XYLB: variants seen among roughly 807,000 people sequenced by gnomAD.
XYLB encodes xylulokinase, also known as xylulose kinase.
In XYLB, 62 loss-of-function variants were observed where a neutral mutation model predicts 78.7. The observed-to-expected ratio is 0.79, with a 90% CI of 0.64 to 0.97. XYLB has a LOEUF of 0.97. Among genes scored for constraint, XYLB ranks in the 50% least tolerant of loss-of-function variants. The pLI is 0.00. For missense variants in XYLB, 687 were observed against 676.8 expected, an observed-to-expected ratio of 1.02 and a Z score of -0.17; for synonymous variants, 245 against 247.4, an observed-to-expected ratio of 0.99 and a Z score of 0.09.
At chr3:38,385,835 A>G (rs1359895653) in intron 15 of XYLB, among the ~76,000 whole-genome samples, 2 of 152,136 alleles carry the variant, frequency 1.3e-5, no homozygotes, top group Non-Finnish European at 2.9e-5. Flanking sequence ...CTGGATGCTC[A>G]TTGCTACTGG....
chr3:38,369,730 G>A (rs1706446434), intron 8 of XYLB, among the ~76,000 whole-genome samples: 1 of 152,186 alleles, frequency 6.6e-6, no homozygotes, highest in Non-Finnish European at 1.5e-5. Flanking sequence ...GAAACCTAAG[G>A]GACATGGAGA....
downstream of XYLB, among the ~76,000 whole-genome samples, chr3:38,425,261 C>T (rs1709077878): frequency 6.6e-6 from 1 of 152,204 alleles, no homozygotes; most frequent in African/African-American, 2.4e-5. Flanking sequence ...CAGTCATGGG[C>T]ATTCCAGCTT....
the XYLB span, among the ~76,000 whole-genome samples, chr3:38,433,333 C>T: frequency 1.3e-5 from 2 of 152,208 alleles, no homozygotes; most frequent in Admixed American, 6.5e-5. Context: ...GGGAGGGCTG[C>T]CCTGAAGTTC....
At position 38,379,430 on chromosome 3, in the gene XYLB, A is replaced by C. The variant is rs1707037657; in HGVS notation, c.1291+88A>C. 4 of 1,331,066 alleles carry C rather than the reference A, an allele frequency of 3.0e-6. No homozygotes were observed. In the South Asian group the frequency reaches 3.6e-5, roughly 12 times the overall value. The allele number at this position is 1,331,066 out of a possible 1,614,324, so 82.5% of individuals were successfully genotyped here. ...GGCCAGGGCTAGTGGGGCAATATCT[A>C]CTAAAGTTTTCTTACAGGGGGACTT... On this transcript the variant is annotated intron_variant, in intron 15 of 18. Coordinates refer to ENST00000207870, the MANE Select transcript of XYLB (RefSeq NM_005108.4).
intron 2 of XYLB, among the ~76,000 whole-genome samples, chr3:38,357,881 T>G (rs1303802863): frequency 6.8e-6 from 1 of 146,066 alleles, no homozygotes; most frequent in African/African-American, 2.5e-5. Flanking sequence ...AAAACTGTGT[T>G]ATTTCTCTTT....
the XYLB span, among the ~76,000 whole-genome samples, chr3:38,436,902 G>A: frequency 1.3e-5 from 2 of 151,836 alleles, no homozygotes; most frequent in African/African-American, 4.8e-5. Flanking sequence ...TACTTGGGAG[G>A]CTGAGGCAGA....
chr3:38,423,512 A>T (rs1292469786), downstream of XYLB, among the ~76,000 whole-genome samples: 2 of 152,222 alleles, frequency 1.3e-5, no homozygotes, highest in African/African-American at 4.8e-5. Flanking sequence ...TTGGCCTTTA[A>T]TAGTCATAGA....
intron 2 of XYLB, among the ~76,000 whole-genome samples, chr3:38,351,709 G>A (rs1305819134): frequency 2.0e-5 from 3 of 152,100 alleles, no homozygotes; most frequent in African/African-American, 4.8e-5. Flanking sequence ...ACTGGCAACC[G>A]CTGATGTGTT....
intron 18 of XYLB, among the ~76,000 whole-genome samples, chr3:38,408,219 G>C (rs1371040959): frequency 6.6e-6 from 1 of 152,082 alleles, no homozygotes; most frequent in African/African-American, 2.4e-5. Context: ...TAGAACTCAG[G>C]ATTAAGAAAC....
chr3:38,370,622 C>T (rs1706505084), intron 9 of XYLB, among the ~76,000 whole-genome samples: 2 of 152,126 alleles, frequency 1.3e-5, no homozygotes, highest in Admixed American at 1.3e-4. Context: ...GTTCTATCAG[C>T]TTTGTGACTT....
chr3:38,360,443 C>A lies in XYLB; in HGVS notation c.210+35C>A, dbSNP rs765823203. 3 of 1,526,530 alleles carry A rather than the reference C, an allele frequency of 2.0e-6. No homozygotes were observed. The African/African-American group carries it at 4.2e-5, about 21-fold the overall frequency. 94.6% of individuals were successfully genotyped at this position (1,526,530 alleles called of 1,614,324 possible). Reference sequence around the variant, plus strand: ...GGGATTCCTATTCTCCTTCTATCCCCAGGCTGTCTCACTGGCAGACTCGGT... The same window carrying A: ...GGGATTCCTATTCTCCTTCTATCCCAAGGCTGTCTCACTGGCAGACTCGGT... On this transcript the variant is annotated intron_variant, in intron 3 of 18. Transcript: ENST00000207870.
chr3:38,434,987 A>G, the XYLB span, among the ~76,000 whole-genome samples: 1 of 152,142 alleles, frequency 6.6e-6, no homozygotes, highest in Non-Finnish European at 1.5e-5. Flanking sequence ...CGAAACAAAA[A>G]TTAGCTACGT....
chr3:38,392,531 A>G (rs2125639426), intron 15 of XYLB, among the ~76,000 whole-genome samples: 1 of 152,216 alleles, frequency 6.6e-6, no homozygotes, highest in East Asian at 1.9e-4. Context: ...TCCTGACCTC[A>G]GGTGATACAC....
chr3:38,448,680 GTTAA>G, the XYLB span, among the ~76,000 whole-genome samples: 1 of 152,218 alleles, frequency 6.6e-6, no homozygotes, highest in Non-Finnish European at 1.5e-5. Context: ...CTGGTGGGTA[GTTAA>G]ATTAACTTAT....
chr3:38,361,928 A>T (rs1331522200), intron 3 of XYLB, among the ~76,000 whole-genome samples: 2 of 152,194 alleles, frequency 1.3e-5, no homozygotes, highest in Non-Finnish European at 2.9e-5. Context: ...TGAATCTCTA[A>T]TTCCTGCCAT....
chr3:38,405,323 G>C (rs1708268658), intron 18 of XYLB, among the ~76,000 whole-genome samples: 1 of 149,794 alleles, frequency 6.7e-6, no homozygotes, highest in Non-Finnish European at 1.5e-5. Flanking sequence ...GATCACTTGA[G>C]GCCAGGAGCT....
chr3:38,381,561 A>G (rs2125616952), intron 15 of XYLB, among the ~76,000 whole-genome samples: 1 of 152,340 alleles, frequency 6.6e-6, no homozygotes, highest in Middle Eastern at 3.4e-3. Flanking sequence ...AATGGGAAAA[A>G]TATCGCTGAA....
Position 38,360,400 on chromosome 3 carries a change from T to C in XYLB, c.202T>C (p.Trp68Arg). Residue 68 changes from tryptophan (W) to arginine (R), a missense_variant, in exon 3 of 19, where the codon TGG becomes CGG. Physicochemically the swap from Trp to Arg is moderately radical, Grantham distance 101 (BLOSUM62 -3). Coordinates refer to ENST00000207870, the MANE Select transcript of XYLB (RefSeq NM_005108.4). ...GACGGTCACTTCTCCAGTACTAATGTGGGTCCAGGTAAGCGCAGGGATTCC... is the reference window on the plus strand; with the variant it reads ...GACGGTCACTTCTCCAGTACTAATGCGGGTCCAGGTAAGCGCAGGGATTCC... ...GLTVTSPVLM[W>R]VQALDIILEK... 6.2e-7 allele frequency: 1 copy of C among 1,604,482 alleles called. No homozygotes were observed. Among genetic ancestry groups the C allele is most frequent in the Non-Finnish European group, 8.5e-7 (1 of 1,175,250 alleles).
At chr3:38,418,149 G>GGCAGCACTGTACT (rs1455771182), downstream of XYLB, among the ~76,000 whole-genome samples, 8 of 148,296 alleles carry the variant, frequency 5.4e-5, no homozygotes, top group Non-Finnish European at 1.0e-4. Flanking sequence ...AAGCTGAGAT[G>GGCAGCACTGTACT]GCAGCACTGT....
Sources: gnomAD v4.1 joint callset for allele counts (sites outside exome capture counted in the v4.1 genomes callset) on GRCh38, gnomAD v4.1.1 for gene constraint, MANE v1.5 for transcripts, NCBI Gene and HGNC (gene_info 2026-07-23, HGNC 2026-07-21) for gene names.